Variants in PHF24 observed in about 807,000 individuals in gnomAD.
PHF24 encodes the protein Galpha inhibitory interacting protein.
Under a neutral mutation model 42.6 loss-of-function variants are expected in PHF24, and 25 were observed. That is an observed-to-expected ratio of 0.59 (90% CI 0.43 to 0.82). The LOEUF (loss-of-function observed/expected upper bound fraction) is 0.82, where lower values mean the gene tolerates loss of function less well. Ranked by LOEUF, PHF24 falls within the 40% of genes least tolerant of loss-of-function variation. The probability of loss-of-function intolerance (pLI) is 0.00; values close to 1 mark genes in which losing one functional copy is unlikely to be tolerated. For missense variants in PHF24, 470 were observed against 538.1 expected (o/e 0.87, Z 1.25); for synonymous variants, 185 against 204.8 (o/e 0.90, Z 0.83).
the PHF24 span, among the ~76,000 whole-genome samples, chr9:34,682,300 T>TCCA: frequency 6.6e-6 from 1 of 152,040 alleles, no homozygotes; most frequent in Non-Finnish European, 1.5e-5. Context: ...CTTTTGATCG[T>TCCA]GGACTTCTAA....
At chr9:34,878,231 T>G in the PHF24 span, among the ~76,000 whole-genome samples, 3 of 152,156 alleles carry the variant, frequency 2.0e-5, no homozygotes, top group Non-Finnish European at 4.4e-5. Context: ...CTCTAAAGAA[T>G]AAATTTTTTA....
At chr9:34,971,389 A>G in exon 2 of PHF24, 1 of 1,614,180 alleles carries the variant, frequency 6.2e-7, no homozygotes, top group Non-Finnish European at 8.5e-7. Flanking sequence ...GCTGCGGGAC[A>G]GGCCTTCCAT....
the PHF24 span, among the ~76,000 whole-genome samples, chr9:34,831,732 G>C: frequency 1.3e-5 from 2 of 152,112 alleles, no homozygotes; most frequent in Non-Finnish European, 2.9e-5. Flanking sequence ...TGGGCCTGTG[G>C]GACAGGCCCT....
At chr9:34,683,036 C>T in the PHF24 span, among the ~76,000 whole-genome samples, 2 of 149,784 alleles carry the variant, frequency 1.3e-5, no homozygotes, top group African/African-American at 4.9e-5. Context: ...TCTTCCTTAC[C>T]TTGAAAAATA....
chr9:34,858,696 G>A, the PHF24 span, among the ~76,000 whole-genome samples: 2 of 152,094 alleles, frequency 1.3e-5, no homozygotes, highest in African/African-American at 4.8e-5. Flanking sequence ...GGGTTGGTTT[G>A]GAATCTTTTA....
At chr9:34,776,511 A>G in the PHF24 span, among the ~76,000 whole-genome samples, 1 of 152,194 alleles carries the variant, frequency 6.6e-6, no homozygotes, top group Admixed American at 6.5e-5. Context: ...CATTTCATTA[A>G]ATAAATTATT....
chr9:34,725,895 T>C, the PHF24 span: 1 of 1,552,148 alleles, frequency 6.4e-7, no homozygotes, highest in Non-Finnish European at 8.7e-7. Flanking sequence ...TGAGATCCCA[T>C]GAAAGTGGCA....
the PHF24 span, among the ~76,000 whole-genome samples, chr9:34,905,860 C>T: frequency 1.3e-5 from 2 of 152,126 alleles, no homozygotes; most frequent in African/African-American, 2.4e-5. Flanking sequence ...ATTTTGTCTT[C>T]GTGTGGAAAC....
chr9:34,979,054 G>A (rs1482651965), exon 8 of PHF24: 3 of 152,228 alleles, frequency 2.0e-5, no homozygotes, highest in African/African-American at 4.8e-5. Flanking sequence ...AGAGACTGAC[G>A]AGAGCACACT....
the PHF24 span, among the ~76,000 whole-genome samples, chr9:34,686,873 G>A: frequency 6.6e-6 from 1 of 152,162 alleles, no homozygotes; most frequent in Non-Finnish European, 1.5e-5. Flanking sequence ...AAATGAAAAT[G>A]CAACAATTGT....
chr9:34,973,373 T>A (rs1256350982), intron 3 of PHF24, among the ~76,000 whole-genome samples: 1 of 152,190 alleles, frequency 6.6e-6, no homozygotes, highest in Non-Finnish European at 1.5e-5. Flanking sequence ...GAAGTGGTTA[T>A]TATGTGAATT....
the PHF24 span, among the ~76,000 whole-genome samples, chr9:34,791,582 TAAAA>T: frequency 6.9e-6 from 1 of 143,978 alleles, no homozygotes. Context: ...AATATAGATT[TAAAA>T]AAAAAAAAAA....
the PHF24 span, chr9:34,725,128 A>T: frequency 1.3e-6 from 2 of 1,549,318 alleles, no homozygotes; most frequent in Non-Finnish European, 1.7e-6. Flanking sequence ...GGACCCCAGA[A>T]ATTCTGCAGT....
chr9:34,735,539 G>A, the PHF24 span, among the ~76,000 whole-genome samples: 16 of 151,690 alleles, frequency 1.1e-4, no homozygotes, highest in Non-Finnish European at 2.1e-4. Flanking sequence ...GGTGGCTCAC[G>A]CCTGTAATCC....
the PHF24 span, among the ~76,000 whole-genome samples, chr9:34,699,143 C>T: frequency 6.6e-6 from 1 of 152,188 alleles, no homozygotes; most frequent in Non-Finnish European, 1.5e-5. Flanking sequence ...TGAGACCAGA[C>T]CTTAGAAGTT....
the PHF24 span, among the ~76,000 whole-genome samples, chr9:34,794,480 A>G: frequency 6.6e-6 from 1 of 152,354 alleles, no homozygotes; most frequent in East Asian, 1.9e-4. Flanking sequence ...GAAAAATACA[A>G]TCAACAGATA....
the PHF24 span, chr9:34,689,897 G>A: frequency 6.2e-7 from 1 of 1,614,072 alleles, no homozygotes; most frequent in Non-Finnish European, 8.5e-7. The surrounding 1 kb of genome is among the most constrained non-coding windows in gnomAD (Gnocchi z 4.1). Context: ...GAGCTCAGAG[G>A]GAGGAGACAG....
chr9:34,977,696 C>A, intron 7 of PHF24, 55 bp downstream of exon 7: 1 of 1,422,852 alleles, frequency 7.0e-7, no homozygotes, highest in Non-Finnish European at 9.7e-7. Flanking sequence ...CCACAAAACA[C>A]ACAAGTAAGA....
the PHF24 span, among the ~76,000 whole-genome samples, chr9:34,876,737 G>T: frequency 6.6e-6 from 1 of 152,256 alleles, no homozygotes; most frequent in Non-Finnish European, 1.5e-5. Context: ...TTGCTGGTGG[G>T]AATGTAAAAT....
Sources: allele counts gnomAD v4.1 joint callset (sites outside exome capture counted in the v4.1 genomes callset), GRCh38; gene constraint gnomAD v4.1.1; non-coding constraint Gnocchi (gnomAD v3.1); transcripts MANE v1.5; gene names NCBI Gene and HGNC (gene_info 2026-07-23, HGNC 2026-07-21).